Variants in STAB2 observed in about 807,000 individuals in gnomAD.
The protein encoded by STAB2 is stabilin-2.
In STAB2, 288 loss-of-function variants were observed where a neutral mutation model predicts 338.1. That is an observed-to-expected ratio of 0.85 (90% CI 0.77 to 0.94). STAB2 has a LOEUF of 0.94. Ranked by LOEUF, STAB2 falls within the 40% of genes least tolerant of loss-of-function variation. The pLI, the probability that STAB2 is intolerant of heterozygous loss-of-function variation, is 0.00. For missense variants in STAB2, 3,141 were observed against 3,210.1 expected (o/e 0.98, Z 0.52); for synonymous variants, 1,202 against 1,193.3 (o/e 1.01, Z -0.15).
intron 2 of STAB2, among the ~76,000 whole-genome samples, chr12:103,591,614 G>T (rs142844800): frequency 0.012 from 1,857 of 152,232 alleles, 24 homozygotes; most frequent in Non-Finnish European, 0.016. Flanking sequence ...AATTTGGAAA[G>T]AATTCTAGTC....
intron 41 of STAB2, 112 bp from the exon 42 acceptor site, chr12:103,713,531 T>C: frequency 6.7e-7 from 1 of 1,489,052 alleles, no homozygotes; most frequent in Non-Finnish European, 9.2e-7. Flanking sequence ...TTTAATCCAG[T>C]GCCTGCTCAA....
chr12:103,655,698 AC>A, intron 15 of STAB2, 117 bp downstream of exon 15: 1 of 1,255,082 alleles, frequency 8.0e-7, no homozygotes, highest in Non-Finnish European at 1.1e-6. Context: ...ATCACCACCT[AC>A]CCTCCAACAA....
chr12:103,713,029 C>T (rs1268721494), intron 41 of STAB2, among the ~76,000 whole-genome samples: 1 of 152,210 alleles, frequency 6.6e-6, no homozygotes, highest in African/African-American at 2.4e-5. Context: ...TCAACTTAGA[C>T]TCCCCAGGTT....
intron 28 of STAB2, among the ~76,000 whole-genome samples, chr12:103,688,863 A>G (rs1877668613): frequency 6.6e-6 from 1 of 152,120 alleles, no homozygotes; most frequent in South Asian, 2.1e-4. Flanking sequence ...GGTGTGCTGA[A>G]CCCTGTTCAC....
intron 10 of STAB2, among the ~76,000 whole-genome samples, chr12:103,649,497 G>A (rs1338350637): frequency 6.6e-6 from 1 of 152,094 alleles, no homozygotes; most frequent in African/African-American, 2.4e-5. Flanking sequence ...CACAAATCCA[G>A]CCGTTCTGAA....
In STAB2 at chr12:103,750,639, G is replaced by C. The variant is rs1883550829; in HGVS notation, c.6499G>C (p.Glu2167Gln). Residue 2167 changes from glutamate to glutamine, a missense_variant, in exon 60 of 69, where the codon GAG (glutamate) becomes CAG (glutamine). By Grantham distance (29) the Glu-to-Gln change is conservative (BLOSUM62 2). Transcript: ENST00000388887. ...CGGAGATGGGCTGAACTGTGAGCCG[G>C]AGCAGCTGCCCATTGACCGCTGCTT... is the stretch of plus-strand genomic sequence containing the variant. ...YVGDGLNCEP[E>Q]QLPIDRCLQD... 6.2e-7 allele frequency: 1 copy of C among 1,614,084 alleles called. No individual in the cohort carries two copies.
At chr12:103,630,577 G>A (rs954377918) in intron 5 of STAB2, among the ~76,000 whole-genome samples, 10 of 152,216 alleles carry the variant, frequency 6.6e-5, no homozygotes, top group African/African-American at 2.4e-4. Context: ...AAGATAGGGA[G>A]AGTATCCTGG....
intron 27 of STAB2, among the ~76,000 whole-genome samples, chr12:103,686,995 G>A (rs17034372): frequency 0.11 from 16,426 of 151,946 alleles, 1,587 homozygotes; most frequent in African/African-American, 0.26. Flanking sequence ...TCACTTTCTT[G>A]CTAACTTACT....
At position 103,759,121 on chromosome 12, in the gene STAB2, CTTTTTTCTCA is replaced by C; in HGVS notation, c.7108-11_7108-2del. On this transcript the variant is annotated splice_acceptor_variant and splice_polypyrimidine_tract_variant and intron_variant, in intron 64 of 68. Coordinates refer to ENST00000388887, the MANE Select transcript of STAB2 (RefSeq NM_017564.10). LOFTEE classifies it high-confidence loss of function. The stretch of plus-strand genomic sequence containing the variant: ...CTTTGAAGAGCATTCTGTGTTTCTC[CTTTTTTCTCA>C]GACCTTGTCTGGGCGGGACATCGAG... 3 of 1,614,118 alleles carry C rather than the reference CTTTTTTCTCA, an allele frequency of 1.9e-6. No homozygotes were observed. Among genetic ancestry groups the C allele is most frequent in the Non-Finnish European group, 2.5e-6 (3 of 1,180,012 alleles).
Position 103,733,150 on chromosome 12 carries a change from T to C in STAB2, c.5428T>C (p.Tyr1810His). Residue 1810 changes from tyrosine (Y) to histidine (H), a missense_variant, in exon 51 of 69, where the codon TAT becomes CAT. Transcript: ENST00000388887. ...AGACAACAAGGACAAGCTGAAGGAG[T>C]ATTTGAAGTTTCATGTGATACGAGA... is the stretch of plus-strand genomic sequence containing the variant. ...NQDNKDKLKE[Y>H]LKFHVIRDAK... The C allele has an allele frequency of 6.2e-7, 1 of 1,613,538 alleles. No homozygotes were observed. Among genetic ancestry groups the C allele is most frequent in the Non-Finnish European group, 8.5e-7 (1 of 1,179,886 alleles).
At chr12:103,737,563 A>G (rs1882226448) in intron 52 of STAB2, 71 bp from the exon 53 acceptor site, 2 of 1,475,824 alleles carry the variant, frequency 1.4e-6, no homozygotes, top group Middle Eastern at 2.3e-4. Context: ...TGTGTGAAAG[A>G]GATTGACTGT....
intron 29 of STAB2, 126 bp downstream of exon 29, chr12:103,690,108 C>T: frequency 6.8e-6 from 9 of 1,330,274 alleles, no homozygotes; most frequent in Non-Finnish European, 9.2e-6. Context: ...TTCTAGGATT[C>T]TCCTTTCCTC....
chr12:103,689,382 C>T (rs1430344580), intron 28 of STAB2, among the ~76,000 whole-genome samples: 3 of 151,620 alleles, frequency 2.0e-5, no homozygotes, highest in Non-Finnish European at 4.4e-5. Flanking sequence ...ACTCAGGAGG[C>T]AGAGACAGAA....
intron 25 of STAB2, among the ~76,000 whole-genome samples, chr12:103,680,422 A>G (rs1483416408): frequency 1.3e-5 from 2 of 152,226 alleles, no homozygotes; most frequent in African/African-American, 4.8e-5. Context: ...CAGGGCTCAG[A>G]AGGCAGCATA....
rs1426984724 is a variant in STAB2 at position 103,690,538 on chromosome 12, G to C, written c.3297G>C (p.Gly1099=). 3.0e-5 allele frequency: 48 copies of C among 1,611,454 alleles called. No homozygotes were observed. The highest frequency in any genetic ancestry group is 4.0e-5 in the Non-Finnish European group (47 of 1,178,944). The change falls in exon 30 of 69, where the codon GGG becomes GGC. Residue 1099 remains glycine, a splice_region_variant and synonymous_variant. Transcript: ENST00000388887. Reference sequence around the variant, plus strand: ...TCCTTCACTTGGCAAAGGTGGATGGGGTAAGAGCTCTGGAATTTGTCTGTT... The same window carrying C: ...TCCTTCACTTGGCAAAGGTGGATGGCGTAAGAGCTCTGGAATTTGTCTGTT... ...GNFLHLAKVD[G]NITIEGASIV...
chr12:103,725,091 T>G lies in STAB2; in HGVS notation c.4800T>G (p.Tyr1600Ter), dbSNP rs1441514015. The part of the protein sequence containing the change: ...GDGFTCRGSI[Y>*]QELPKNPKTS... The stretch of plus-strand genomic sequence containing the variant: ...GATTTACCTGCCGCGGCAGCATTTA[T>G]CAGGTAACGCGAGACATGTTTCCAT... The change falls in exon 45 of 69, where the codon TAT (tyrosine) becomes TAG (stop). Residue 1600 changes from tyrosine to a stop codon, truncating the protein, a stop_gained. Coordinates refer to ENST00000388887, the MANE Select transcript of STAB2 (RefSeq NM_017564.10). LOFTEE classifies it high-confidence loss of function. 1.2e-6 allele frequency: 2 copies of G among 1,612,516 alleles called. No homozygotes were observed. Among genetic ancestry groups the G allele is most frequent in the Non-Finnish European group, 1.7e-6 (2 of 1,178,662 alleles).
intron 3 of STAB2, among the ~76,000 whole-genome samples, chr12:103,600,396 T>C (rs1339957245): frequency 6.6e-6 from 1 of 152,196 alleles, no homozygotes; most frequent in African/African-American, 2.4e-5. Context: ...CAAAATACTA[T>C]AGACTGAGTG....
chr12:103,724,983 C>T lies in STAB2; in HGVS notation c.4692C>T (p.Gly1564=), dbSNP rs200367145. The T allele has an allele frequency of 3.5e-5, 57 of 1,613,578 alleles. No homozygotes were observed. The highest frequency in any genetic ancestry group is 1.7e-4 in the Middle Eastern group (1 of 6,060). The change falls in exon 45 of 69, where the codon GGC becomes GGT. Residue 1564 remains glycine, a synonymous_variant. Coordinates refer to ENST00000388887, the MANE Select transcript of STAB2 (RefSeq NM_017564.10). ...CTTGGCAATTTTACCAGAAAAATGG[C>T]GGCTGTAGTGAATTTGCCATCTGCA... is the stretch of plus-strand genomic sequence containing the variant. ...TLINVCLTKN[G]GCSEFAICNH...
intron 4 of STAB2, among the ~76,000 whole-genome samples, chr12:103,621,054 G>A (rs961170757): frequency 2.0e-5 from 3 of 152,028 alleles, no homozygotes; most frequent in African/African-American, 7.2e-5. Flanking sequence ...CTGAGATTGT[G>A]CCATTGCACT....
Sources: gnomAD v4.1 joint callset for allele counts (sites outside exome capture counted in the v4.1 genomes callset) on GRCh38, gnomAD v4.1.1 for gene constraint, MANE v1.5 for transcripts, NCBI Gene and HGNC (gene_info 2026-07-23, HGNC 2026-07-21) for gene names.